L3MBTL4: variants seen among roughly 807,000 people sequenced by gnomAD.
The protein encoded by L3MBTL4 is L3MBTL histone methyl-lysine binding protein 4.
L3MBTL4 carries 70 observed loss-of-function variants against 84.5 expected under a neutral mutation model. That is an observed-to-expected ratio of 0.83 (90% CI 0.68 to 1.01). L3MBTL4 has a LOEUF of 1.01. L3MBTL4 is among the 50% of genes least tolerant of loss of function. The pLI is 0.00. For missense variants in L3MBTL4, 715 were observed against 754.8 expected, an observed-to-expected ratio of 0.95 and a Z score of 0.62; for synonymous variants, 274 against 259.8, an observed-to-expected ratio of 1.05 and a Z score of -0.52.
chr18:6,364,471 A>G (rs1331698137), intron 1 of L3MBTL4, among the ~76,000 whole-genome samples: 1 of 152,250 alleles, frequency 6.6e-6, no homozygotes, highest in Admixed American at 6.5e-5. Flanking sequence ...CCAGTCTTAA[A>G]ATATACAAAT....
intron 1 of L3MBTL4, among the ~76,000 whole-genome samples, chr18:6,402,251 T>C (rs772092403): frequency 6.6e-6 from 1 of 152,244 alleles, no homozygotes; most frequent in Admixed American, 6.5e-5. Flanking sequence ...TTTAAATTCA[T>C]TGCACAATCT....
At chr18:6,164,964 A>G (rs564821689) in intron 13 of L3MBTL4, among the ~76,000 whole-genome samples, 2 of 152,316 alleles carry the variant, frequency 1.3e-5, no homozygotes, top group African/African-American at 4.8e-5. Context: ...AACTAGAATA[A>G]TCAACGTGGA....
intron 17 of L3MBTL4, among the ~76,000 whole-genome samples, chr18:5,968,858 G>A (rs1236587341): frequency 6.6e-6 from 1 of 152,128 alleles, no homozygotes; most frequent in African/African-American, 2.4e-5. Context: ...TAAATGAAGC[G>A]AAGGTGGGCC....
At chr18:6,413,883 A>C (rs964441818) in intron 1 of L3MBTL4, 2 of 152,336 alleles carry the variant, frequency 1.3e-5, no homozygotes, top group African/African-American at 2.4e-5. Context: ...GTCCCTCTAA[A>C]GGCATATGTA....
intron 10 of L3MBTL4, among the ~76,000 whole-genome samples, chr18:6,219,756 C>A (rs763440615): frequency 6.6e-6 from 1 of 151,918 alleles, no homozygotes; most frequent in Non-Finnish European, 1.5e-5. Context: ...ACAGCCTGAA[C>A]GCTCAGGAAG....
At chr18:6,008,803 A>G (rs962870333) in intron 16 of L3MBTL4, among the ~76,000 whole-genome samples, 1 of 152,210 alleles carries the variant, frequency 6.6e-6, no homozygotes, top group Non-Finnish European at 1.5e-5. Context: ...TTCTTTTGCC[A>G]ATGCCTTTAT....
chr18:6,276,991 A>C (rs2049107557), intron 4 of L3MBTL4, among the ~76,000 whole-genome samples: 1 of 152,078 alleles, frequency 6.6e-6, no homozygotes, highest in Non-Finnish European at 1.5e-5. Flanking sequence ...AGATTAAATA[A>C]AAAATGATTT....
chr18:5,990,748 A>G (rs1479836531), intron 16 of L3MBTL4, among the ~76,000 whole-genome samples: 2 of 150,056 alleles, frequency 1.3e-5, no homozygotes, highest in East Asian at 3.9e-4. Context: ...AATTCCTTTC[A>G]AACTTTAGTA....
rs1314882112 is a variant in L3MBTL4, at chr18:6,002,293, C to T, written c.1445-32731G>A. Among the ~76,000 whole-genome samples the T allele has an allele frequency of 1.3e-5, 2 of 152,044 alleles. 1 individual carries two copies. The highest frequency in any genetic ancestry group is 4.1e-4 in the South Asian group (2 of 4,830). ...CAGTAGACCTGCCTTGTAAGAAATG[C>T]TAAAGGGAGTCCTTCAAGTTGAAAT... On this transcript the variant is annotated intron_variant, in intron 16 of 18. Coordinates refer to ENST00000317931, the MANE Select transcript of L3MBTL4 (RefSeq NM_001330559.2).
chr18:6,186,721 G>A (rs541971282), intron 12 of L3MBTL4, among the ~76,000 whole-genome samples: 45 of 152,274 alleles, frequency 3.0e-4, no homozygotes, highest in African/African-American at 1.0e-3. Context: ...CCTTCCTTCC[G>A]GTTGGTGGAT....
At chr18:5,988,779 G>C (rs2053568136) in intron 16 of L3MBTL4, among the ~76,000 whole-genome samples, 1 of 152,180 alleles carries the variant, frequency 6.6e-6, no homozygotes, top group South Asian at 2.1e-4. Flanking sequence ...TGGGCATCTG[G>C]CGATGCCCAT....
At chr18:6,265,631 G>T (rs980077753) in intron 4 of L3MBTL4, among the ~76,000 whole-genome samples, 1 of 152,026 alleles carries the variant, frequency 6.6e-6, no homozygotes, top group Non-Finnish European at 1.5e-5. Context: ...GACACAAAAC[G>T]GTGTCTATTT....
At chr18:6,033,791 G>A (rs190580576) in intron 16 of L3MBTL4, among the ~76,000 whole-genome samples, 19 of 152,150 alleles carry the variant, frequency 1.2e-4, no homozygotes, top group Admixed American at 5.9e-4. Flanking sequence ...GCTTAAGTCC[G>A]ATGACACACA....
intron 16 of L3MBTL4, among the ~76,000 whole-genome samples, chr18:5,996,225 G>T (rs2053957742): frequency 6.6e-6 from 1 of 152,142 alleles, no homozygotes; most frequent in Non-Finnish European, 1.5e-5. Flanking sequence ...ACAGTGGTTG[G>T]CCAAAGATTC....
At chr18:6,299,596 T>A (rs1345220275) in intron 4 of L3MBTL4, among the ~76,000 whole-genome samples, 1 of 152,212 alleles carries the variant, frequency 6.6e-6, no homozygotes. Flanking sequence ...CAATAAAATG[T>A]TTTAACAATG....
rs149929202 is a variant in L3MBTL4 at position 6,017,348 on chromosome 18, C to T, written c.1445-47786G>A. Among the ~76,000 whole-genome samples, 472 of 152,284 alleles carry T rather than the reference C, an allele frequency of 3.1e-3. 4 individuals carry two copies. Among genetic ancestry groups the T allele is most frequent in the African/African-American group, 0.011 (448 of 41,560 alleles). ...AGAGATGCTGGCGCGCCACAGCCGC[C>T]CCAAATCTAGAAGAAAACAGTCTCC... is the stretch of plus-strand genomic sequence containing the variant. On this transcript the variant is annotated intron_variant, in intron 16 of 18. Coordinates refer to ENST00000317931, the MANE Select transcript of L3MBTL4 (RefSeq NM_001330559.2).
rs774290429 is a variant in L3MBTL4, at chr18:6,244,499, C to T, written c.309G>A (p.Val103=). 4 of 1,611,672 alleles carry T rather than the reference C, an allele frequency of 2.5e-6. No homozygotes were observed. In the South Asian group the frequency reaches 4.4e-5, roughly 18 times the overall value. ...IDPRHPSVFC[V]LSVAEVCGYR... is the part of the protein sequence containing the mutation. ...CACCTCTTACCTCCGCTACAGAAAGCACACAGAATACCGATGGATGTCGGG... is the reference window on the plus strand; with the variant it reads ...CACCTCTTACCTCCGCTACAGAAAGTACACAGAATACCGATGGATGTCGGG... Residue 103 remains valine, a synonymous_variant, in exon 6 of 19, where the codon GTG becomes GTA. Transcript: ENST00000317931.
chr18:5,979,135 C>A (rs2053094982), intron 16 of L3MBTL4, among the ~76,000 whole-genome samples: 1 of 152,176 alleles, frequency 6.6e-6, no homozygotes, highest in Non-Finnish European at 1.5e-5. Context: ...AAGCCTGGAG[C>A]TCCCCCAACT....
At chr18:6,294,175 A>G (rs2049990836) in intron 4 of L3MBTL4, among the ~76,000 whole-genome samples, 1 of 152,194 alleles carries the variant, frequency 6.6e-6, no homozygotes, top group Non-Finnish European at 1.5e-5. Flanking sequence ...AGAAAAAAAA[A>G]TCTTTGTCCT....
Sources: allele counts gnomAD v4.1 joint callset (sites outside exome capture counted in the v4.1 genomes callset), GRCh38; gene constraint gnomAD v4.1.1; transcripts MANE v1.5; gene names NCBI Gene and HGNC (gene_info 2026-07-23, HGNC 2026-07-21).